The following CACHD1 variants were observed in gnomAD, a reference collection of about 807,000 sequenced individuals.
The protein encoded by CACHD1 is cache domain containing 1, also known as VWFA and cache domain-containing protein 1.
CACHD1 carries 71 observed loss-of-function variants against 138.7 expected under a neutral mutation model. The ratio of observed to expected loss-of-function variants is 0.51; its 90% CI spans 0.42 to 0.62. The LOEUF (loss-of-function observed/expected upper bound fraction) is 0.62, where lower values mean the gene tolerates loss of function less well. Among genes scored for constraint, CACHD1 ranks in the 20% least tolerant of loss-of-function variants. The pLI, the probability that CACHD1 is intolerant of heterozygous loss-of-function variation, is 0.00. For synonymous variants in CACHD1, 578 were observed against 591.5 expected (o/e 0.98, Z 0.33); for missense variants, 1,389 against 1,625.3 (o/e 0.85, Z 2.50).
chr1:64,487,566 C>G (rs1053324861), intron 1 of CACHD1, among the ~76,000 whole-genome samples: 1 of 152,094 alleles, frequency 6.6e-6, no homozygotes, highest in African/African-American at 2.4e-5. Context: ...ATTCCACTGG[C>G]AGTAGACTAC....
intron 1 of CACHD1, among the ~76,000 whole-genome samples, chr1:64,473,601 C>G (rs181667868): frequency 1.3e-5 from 2 of 152,248 alleles, no homozygotes; most frequent in Non-Finnish European, 2.9e-5. Flanking sequence ...AGTTGTGTCT[C>G]TTTGGAAAAG....
At chr1:64,510,747 G>A (rs547639709) in intron 1 of CACHD1, among the ~76,000 whole-genome samples, 1 of 152,292 alleles carries the variant, frequency 6.6e-6, no homozygotes, top group South Asian at 2.1e-4. Context: ...GAGAGATTGG[G>A]TCACTGGGAC....
At chr1:64,648,059 A>G in intron 9 of CACHD1, 25 bp downstream of exon 9, 1 of 1,561,206 alleles carries the variant, frequency 6.4e-7, no homozygotes, top group Non-Finnish European at 8.8e-7. Context: ...ACGTCATTTT[A>G]AAGGAAGGGG....
intron 4 of CACHD1, among the ~76,000 whole-genome samples, chr1:64,616,985 CTT>C (rs928111340): frequency 1.4e-5 from 2 of 144,730 alleles, no homozygotes; most frequent in African/African-American, 2.5e-5. Context: ...ATCATTATTG[CTT>C]TTTTTTTTTA....
At chr1:64,649,573 C>G (rs1198706335) in intron 9 of CACHD1, among the ~76,000 whole-genome samples, 2 of 152,098 alleles carry the variant, frequency 1.3e-5, no homozygotes, top group African/African-American at 4.8e-5. Flanking sequence ...AAGCGTAAGT[C>G]TGATAAGAGA....
intron 19 of CACHD1, 49 bp from the exon 20 acceptor site, chr1:64,675,352 A>G: frequency 6.9e-7 from 1 of 1,459,406 alleles, no homozygotes; most frequent in Non-Finnish European, 9.3e-7. Context: ...GGTAGGGCTG[A>G]GTCTTTGCAT....
chr1:64,486,668 T>C (rs1394638146), intron 1 of CACHD1, among the ~76,000 whole-genome samples: 2 of 152,208 alleles, frequency 1.3e-5, no homozygotes, highest in African/African-American at 4.8e-5. Flanking sequence ...TTTGGGTCAA[T>C]GTGGCCTGTG....
rs974426519 is a variant in CACHD1, at chr1:64,470,356, G to C, written c.-389G>C. ...CGCTGCGCTGGGACTCGCAGGAAGC[G>C]AGAGCCGCGCGGCTCGGCTCGGGCT... On this transcript the variant is annotated 5_prime_UTR_variant, in exon 1 of 27. Transcript: ENST00000651257. The surrounding 1 kb of genome is among the most constrained non-coding windows in gnomAD (Gnocchi z 5.2). Among the ~76,000 whole-genome samples, 17 of 151,742 alleles carry C rather than the reference G, an allele frequency of 1.1e-4. No homozygotes were observed. The highest frequency in any genetic ancestry group is 4.1e-4 in the African/African-American group (17 of 41,382).
intron 2 of CACHD1, among the ~76,000 whole-genome samples, chr1:64,557,046 G>A (rs777031097): frequency 2.6e-5 from 4 of 151,902 alleles, no homozygotes; most frequent in Non-Finnish European, 4.4e-5. Context: ...GCGTGAGCCC[G>A]GGAGGCGGAG....
rs1225581829 is a variant in CACHD1 at position 64,673,423 on chromosome 1, A to C, written c.2686A>C (p.Arg896=). 1 of 1,614,172 alleles carries C rather than the reference A, an allele frequency of 6.2e-7. No individual in the cohort carries two copies. The highest frequency in any genetic ancestry group is 1.7e-5 in the Admixed American group (1 of 60,022). ...KKNLCNSFSD[R]TVQRFYKFNT... ...AAACCTGTGCAACAGCTTCAGTGAC[A>C]GAACGGTCCAGAGGTTTTATAAATT... The change falls in exon 19 of 27, where the codon AGA becomes CGA. Residue 896 remains arginine (R), a synonymous_variant. Coordinates refer to ENST00000651257, the MANE Select transcript of CACHD1 (RefSeq NM_020925.4).
At chr1:64,540,578 C>G (rs1161912236) in intron 1 of CACHD1, among the ~76,000 whole-genome samples, 2 of 152,152 alleles carry the variant, frequency 1.3e-5, no homozygotes, top group African/African-American at 4.8e-5. Flanking sequence ...CCTTCAGAAC[C>G]TTTATTGCAT....
chr1:64,676,927 T>G lies in CACHD1; in HGVS notation c.3008T>G (p.Val1003Gly), dbSNP rs1650011376. The change falls in exon 22 of 27, where the codon GTG becomes GGG. Residue 1003 changes from valine to glycine, a missense_variant. Coordinates refer to ENST00000651257, the MANE Select transcript of CACHD1 (RefSeq NM_020925.4). Reference sequence around the variant, plus strand: ...AGCTGCGAGGTCCACCAGGAGCCGGTGACATACACAGCTATTGACCCTGGC... The same window carrying G: ...AGCTGCGAGGTCCACCAGGAGCCGGGGACATACACAGCTATTGACCCTGGC... The part of the protein sequence containing the change: ...NPSCEVHQEP[V>G]TYTAIDPGLQ... 1 of 1,613,770 alleles carries G rather than the reference T, an allele frequency of 6.2e-7. No homozygotes were observed. Among genetic ancestry groups the G allele is most frequent in the Admixed American group, 1.7e-5 (1 of 59,986 alleles).
intron 1 of CACHD1, among the ~76,000 whole-genome samples, chr1:64,519,649 C>A (rs898792218): frequency 5.6e-5 from 6 of 107,298 alleles, no homozygotes; most frequent in South Asian, 3.2e-4. Context: ...CCAGAGTTAA[C>A]CAGAGTTACT....
At position 64,602,815 on chromosome 1, in the gene CACHD1, G is replaced by A. The variant is rs897016479; in HGVS notation, c.420G>A (p.Gly140=). The A allele has an allele frequency of 8.1e-6, 13 of 1,610,168 alleles. No homozygotes were observed. The highest frequency in any genetic ancestry group is 6.7e-5 in the African/African-American group (5 of 74,744). The change falls in exon 4 of 27, where the codon GGG becomes GGA. Residue 140 remains glycine (G), a synonymous_variant. Coordinates refer to ENST00000651257, the MANE Select transcript of CACHD1 (RefSeq NM_020925.4). ...TIPPSMMEFD[G]NFNTNVSRTI... is the part of the protein sequence containing the mutation. The stretch of plus-strand genomic sequence containing the variant: ...TCTCCTATTGTTTCAGATTCGATGG[G>A]AACTTTAATACCAATGTGTCTAGAA...
chr1:64,529,818 A>G (rs1169082323), intron 1 of CACHD1, among the ~76,000 whole-genome samples: 1 of 152,198 alleles, frequency 6.6e-6, no homozygotes, highest in Non-Finnish European at 1.5e-5. Flanking sequence ...CTACAGGCCC[A>G]GATCAGATCA....
At chr1:64,669,439 G>A (rs1649744294) in intron 16 of CACHD1, among the ~76,000 whole-genome samples, 1 of 152,296 alleles carries the variant, frequency 6.6e-6, no homozygotes, top group South Asian at 2.1e-4. Context: ...GTTTGGCTGA[G>A]AATTAGAGGC....
At chr1:64,636,939 A>T (rs911120551) in intron 7 of CACHD1, among the ~76,000 whole-genome samples, 1 of 152,160 alleles carries the variant, frequency 6.6e-6, no homozygotes, top group Non-Finnish European at 1.5e-5. Flanking sequence ...GATGTTGCTC[A>T]TTTAGATCAT....
intron 4 of CACHD1, among the ~76,000 whole-genome samples, chr1:64,608,457 A>G (rs551563750): frequency 1.1e-4 from 16 of 152,330 alleles, no homozygotes; most frequent in Middle Eastern, 3.4e-3. Context: ...TAATTCATCA[A>G]TGGGCCCCTA....
intron 1 of CACHD1, among the ~76,000 whole-genome samples, chr1:64,500,713 CT>C (rs1646333062): frequency 1.9e-5 from 1 of 52,342 alleles, no homozygotes; most frequent in Non-Finnish European, 4.0e-5. Context: ...AAGACCTTGT[CT>C]CTTAAAAAAA....
Sources: allele counts gnomAD v4.1 joint callset (sites outside exome capture counted in the v4.1 genomes callset), GRCh38; gene constraint gnomAD v4.1.1; non-coding constraint Gnocchi (gnomAD v3.1); transcripts MANE v1.5; gene names NCBI Gene and HGNC (gene_info 2026-07-23, HGNC 2026-07-21).